The following CCDC6 variants were observed in gnomAD, a reference collection of about 807,000 sequenced individuals.
The protein encoded by CCDC6 is coiled-coil domain containing 6, also known as coiled-coil domain-containing protein 6.
Under a neutral mutation model 56.6 loss-of-function variants are expected in CCDC6, and 20 were observed. That is an observed-to-expected ratio of 0.35 (90% CI 0.25 to 0.51). CCDC6 has a LOEUF of 0.51. Ranked by LOEUF, CCDC6 falls within the 20% of genes least tolerant of loss-of-function variation. The probability of loss-of-function intolerance (pLI) is 0.95; values close to 1 mark genes in which losing one functional copy is unlikely to be tolerated. For synonymous variants in CCDC6, 241 were observed against 234.4 expected, an observed-to-expected ratio of 1.03 and a Z score of -0.26; for missense variants, 367 against 601.1, an observed-to-expected ratio of 0.61 and a Z score of 4.07.
Position 59,804,463 on chromosome 10 carries a change from G to T in CCDC6, c.1062C>A (p.Ile354=). 6.2e-7 allele frequency: 1 copy of T among 1,613,246 alleles called. No homozygotes were observed. The highest frequency in any genetic ancestry group is 8.5e-7 in the Non-Finnish European group (1 of 1,179,224). The part of the protein sequence containing the change: ...GLRPRTVSSP[I]PYTPSPSSSR... ...TTGAACTCGGAGAAGGTGTGTAAGG[G>T]ATCGGGCTGGACACAGTGCGAGGTC... The change falls in exon 7 of 9, where the codon ATC becomes ATA. Residue 354 remains isoleucine, a synonymous_variant. Transcript: ENST00000263102.
Position 59,791,420 on chromosome 10 carries a change from T to C in CCDC6, c.*1497A>G, listed in dbSNP as rs1366492340. 5.1e-6 allele frequency: 1 copy of C among 196,858 alleles called. No individual in the cohort carries two copies. The highest frequency in any genetic ancestry group is 6.1e-5 in the Admixed American group (1 of 16,524). 12.2% of individuals were successfully genotyped at this position (196,858 alleles called of 1,614,324 possible). On this transcript the variant is annotated 3_prime_UTR_variant, in exon 9 of 9. Coordinates refer to ENST00000263102, the MANE Select transcript of CCDC6 (RefSeq NM_005436.5). ...ATTCGAAGGCAAAAATGGAGGTTTCTATACTGTACAATATTAAATATCTAC... is the reference window on the plus strand; with the variant it reads ...ATTCGAAGGCAAAAATGGAGGTTTCCATACTGTACAATATTAAATATCTAC...
chr10:59,877,875 C>T (rs147725311), intron 1 of CCDC6, among the ~76,000 whole-genome samples: 1 of 152,112 alleles, frequency 6.6e-6, no homozygotes, highest in Non-Finnish European at 1.5e-5. Flanking sequence ...CTTCCAAATA[C>T]AATGAGAAAG....
At chr10:59,838,025 C>G (rs942477072) in intron 2 of CCDC6, among the ~76,000 whole-genome samples, 1 of 152,124 alleles carries the variant, frequency 6.6e-6, no homozygotes. Flanking sequence ...CATAGAAAGT[C>G]TCTCAAGAAC....
chr10:59,809,575 C>A (rs1224720211), intron 5 of CCDC6, among the ~76,000 whole-genome samples: 2 of 152,142 alleles, frequency 1.3e-5, no homozygotes, highest in African/African-American at 4.8e-5. Context: ...ACAGCCTCAC[C>A]TGACCAGATT....
chr10:59,902,328 A>G (rs1315831595), intron 1 of CCDC6, among the ~76,000 whole-genome samples: 1 of 151,178 alleles, frequency 6.6e-6, no homozygotes, highest in Non-Finnish European at 1.5e-5. Flanking sequence ...CTATACACCT[A>G]TTGGAATGGT....
At chr10:59,841,540 A>G (rs1292273055) in intron 2 of CCDC6, among the ~76,000 whole-genome samples, 1 of 152,234 alleles carries the variant, frequency 6.6e-6, no homozygotes, top group African/African-American at 2.4e-5. Flanking sequence ...TTACACAATA[A>G]TAAGTAAATG....
At chr10:59,818,642 T>C (rs7097764) in intron 3 of CCDC6, among the ~76,000 whole-genome samples, 9,717 of 152,146 alleles carry the variant, frequency 0.064, 404 homozygotes, top group African/African-American at 0.09. Flanking sequence ...ATAGTCCCTC[T>C]GGAGTGAGTA....
intron 2 of CCDC6, among the ~76,000 whole-genome samples, chr10:59,845,431 T>C (rs1564747394): frequency 1.4e-5 from 2 of 147,262 alleles, no homozygotes; most frequent in Non-Finnish European, 3.0e-5. Context: ...ACACACACTT[T>C]AAAAGAAACT....
At chr10:59,817,740 C>T (rs982212137) in intron 3 of CCDC6, among the ~76,000 whole-genome samples, 1 of 152,166 alleles carries the variant, frequency 6.6e-6, no homozygotes, top group Admixed American at 6.5e-5. Flanking sequence ...ACTAATGAGG[C>T]ATGTGACTCT....
intron 7 of CCDC6, among the ~76,000 whole-genome samples, chr10:59,801,987 C>G (rs540280650): frequency 6.6e-6 from 1 of 152,116 alleles, no homozygotes; most frequent in Non-Finnish European, 1.5e-5. Context: ...TTAACTGGAT[C>G]GAAACCAATG....
In CCDC6 at chr10:59,879,882, C is replaced by A. The variant is rs117118146; in HGVS notation, c.303+26240G>T. ...TAAACCCAAGCTTGTTCAATATGTGCCTAGAGGTCTTTGAGGGCACAAATG... is the reference window on the plus strand; with the variant it reads ...TAAACCCAAGCTTGTTCAATATGTGACTAGAGGTCTTTGAGGGCACAAATG... On this transcript the variant is annotated intron_variant, in intron 1 of 8. Transcript: ENST00000263102. 5.0e-4 allele frequency among the ~76,000 whole-genome samples: 76 copies of A among 152,268 alleles called. No individual in the cohort carries two copies. In the East Asian group the frequency reaches 0.014, roughly 28 times the overall value.
At chr10:59,848,470 G>A (rs1018959251) in intron 2 of CCDC6, among the ~76,000 whole-genome samples, 3 of 152,118 alleles carry the variant, frequency 2.0e-5, no homozygotes, top group African/African-American at 7.2e-5. Context: ...CTTGAGGTCA[G>A]GAGTTCAAGA....
intron 1 of CCDC6, among the ~76,000 whole-genome samples, chr10:59,895,235 G>A (rs898098814): frequency 6.6e-6 from 1 of 152,192 alleles, no homozygotes; most frequent in African/African-American, 2.4e-5. Flanking sequence ...TTAAGAGGTC[G>A]AGGCTGCAGT....
intron 3 of CCDC6, among the ~76,000 whole-genome samples, chr10:59,827,466 G>A (rs1001629074): frequency 1.4e-4 from 22 of 152,208 alleles, no homozygotes; most frequent in African/African-American, 5.1e-4. Flanking sequence ...TGGAGTGTGA[G>A]GACAGGCAGG....
intron 1 of CCDC6, among the ~76,000 whole-genome samples, chr10:59,898,131 T>G (rs2071477700): frequency 6.6e-6 from 1 of 152,184 alleles, no homozygotes; most frequent in African/African-American, 2.4e-5. Flanking sequence ...AGTTTCGGAT[T>G]AAAAACTTGA....
intron 6 of CCDC6, chr10:59,804,911 A>G (rs2070607552): frequency 5.4e-6 from 1 of 186,732 alleles, no homozygotes; most frequent in Admixed American, 5.4e-5. Flanking sequence ...TTGAAACTCA[A>G]AACCAAGCAA....
intron 7 of CCDC6, among the ~76,000 whole-genome samples, chr10:59,802,320 G>A (rs2070583274): frequency 6.6e-6 from 1 of 152,146 alleles, no homozygotes; most frequent in South Asian, 2.1e-4. Context: ...AGAAAAGGAG[G>A]AAAATTCAGA....
Position 59,856,474 on chromosome 10 carries a change from C to T in CCDC6, c.304-3772G>A, listed in dbSNP as rs574440698. Among the ~76,000 whole-genome samples the T allele has an allele frequency of 4.5e-3, 688 of 152,264 alleles. 9 individuals carry two copies. Among genetic ancestry groups the T allele is most frequent in the Non-Finnish European group, 7.3e-3 (496 of 68,014 alleles). On this transcript the variant is annotated intron_variant, in intron 1 of 8. Coordinates refer to ENST00000263102, the MANE Select transcript of CCDC6 (RefSeq NM_005436.5). ...ATTTGACTTCTCCCTGCAGATTTCT[C>T]CCCATATTACACGCAGTATCATCTC...
chr10:59,868,948 G>T (rs998994687), intron 1 of CCDC6, among the ~76,000 whole-genome samples: 3 of 148,576 alleles, frequency 2.0e-5, no homozygotes, highest in Non-Finnish European at 4.4e-5. Context: ...ATTTTGCTTT[G>T]CGGCCTTTTG....
Sources: gnomAD v4.1 joint callset for allele counts (sites outside exome capture counted in the v4.1 genomes callset) on GRCh38, gnomAD v4.1.1 for gene constraint, MANE v1.5 for transcripts, NCBI Gene and HGNC (gene_info 2026-07-23, HGNC 2026-07-21) for gene names.